The following ITGA11 variants were observed in gnomAD, a reference collection of about 807,000 sequenced individuals.
ITGA11 encodes integrin alpha-11.
A neutral mutation model predicts 141.9 loss-of-function variants in ITGA11; 97 were observed. The observed-to-expected ratio is 0.68, with a 90% CI of 0.58 to 0.81. The LOEUF (loss-of-function observed/expected upper bound fraction) is 0.81, where lower values mean the gene tolerates loss of function less well. Ranked by LOEUF, ITGA11 falls within the 30% of genes least tolerant of loss-of-function variation. ITGA11 has a pLI of 0.00. For synonymous variants in ITGA11, 658 were observed against 624.6 expected (o/e 1.05, Z -0.80); for missense variants, 1,387 against 1,559.2 (o/e 0.89, Z 1.86).
At chr15:68,317,583 C>T (rs892074475) in intron 20 of ITGA11, among the ~76,000 whole-genome samples, 1 of 152,010 alleles carries the variant, frequency 6.6e-6, no homozygotes, top group Non-Finnish European at 1.5e-5. Flanking sequence ...TGACACGGGG[C>T]GGGACACACT....
rs776616740 is a variant in ITGA11, at chr15:68,322,506, G to C, written c.2323-1003C>G. On this transcript the variant is annotated intron_variant, in intron 18 of 29. Coordinates refer to ENST00000315757, the MANE Select transcript of ITGA11 (RefSeq NM_001004439.2). This position sits in a 1 kb window ranked among gnomAD's most constrained non-coding sequence, Gnocchi z 5.6. ...AGGTTGTCGGGGCTGAGGGAGAAAGGGGTCCAGGGTGTCAGCTGAGTTTCT... is the reference window on the plus strand; with the variant it reads ...AGGTTGTCGGGGCTGAGGGAGAAAGCGGTCCAGGGTGTCAGCTGAGTTTCT... 1.2e-4 allele frequency among the ~76,000 whole-genome samples: 18 copies of C among 152,108 alleles called. No homozygotes were observed. Among genetic ancestry groups the C allele is most frequent in the Non-Finnish European group, 2.4e-4 (16 of 68,022 alleles).
At position 68,432,042 on chromosome 15, in the gene ITGA11, C is replaced by A; in HGVS notation, c.25G>T (p.Val9Leu). MDLPRGLV[V>L]AWALSLWPGF... ...GGCCACAGGCTGAGCGCCCAGGCCACCACCAGGCCCCTGGGCAGGTCCATG... is the reference window on the plus strand; with the variant it reads ...GGCCACAGGCTGAGCGCCCAGGCCAACACCAGGCCCCTGGGCAGGTCCATG... The change falls in exon 1 of 30, where the codon GTG becomes TTG. Residue 9 changes from valine (V) to leucine (L), a missense_variant. By Grantham distance (32) the Val-to-Leu change is conservative. Coordinates refer to ENST00000315757, the MANE Select transcript of ITGA11 (RefSeq NM_001004439.2). The A allele has an allele frequency of 7.4e-7, 1 of 1,347,440 alleles. No individual in the cohort carries two copies. Among genetic ancestry groups the A allele is most frequent in the Non-Finnish European group, 9.5e-7 (1 of 1,048,206 alleles). The allele number at this position is 1,347,440 out of a possible 1,614,324, so 83.5% of individuals were successfully genotyped here. A position where few individuals can be genotyped will look rare whatever the true frequency, so the allele number is the denominator to read the frequency against.
intron 2 of ITGA11, 142 bp downstream of exon 2, chr15:68,402,776 C>A (rs1896540749): frequency 3.3e-6 from 2 of 607,848 alleles, no homozygotes; most frequent in Admixed American, 5.4e-5. Context: ...CAGTCTCTGA[C>A]CTGCTGGGAC....
chr15:68,416,129 C>T (rs996963136), intron 1 of ITGA11, among the ~76,000 whole-genome samples: 1 of 152,196 alleles, frequency 6.6e-6, no homozygotes, highest in Non-Finnish European at 1.5e-5. Flanking sequence ...CTGTCCCATC[C>T]CCTCAATGTC....
chr15:68,431,082 G>A lies in ITGA11; in HGVS notation c.52+933C>T, dbSNP rs573849711. Reference sequence around the variant, plus strand: ...CTGGCCCTTGCCGGAGCACTTGGCCGTCTTCCGCAGAACAGCATCACTGGC... The same window carrying A: ...CTGGCCCTTGCCGGAGCACTTGGCCATCTTCCGCAGAACAGCATCACTGGC... On this transcript the variant is annotated intron_variant, in intron 1 of 29. Coordinates refer to ENST00000315757, the MANE Select transcript of ITGA11 (RefSeq NM_001004439.2). Among the ~76,000 whole-genome samples, 56 of 152,360 alleles carry A rather than the reference G, an allele frequency of 3.7e-4. 1 individual carries two copies. The South Asian group carries it at 0.011, about 30-fold the overall frequency.
At chr15:68,411,950 C>T (rs1273282804) in intron 1 of ITGA11, among the ~76,000 whole-genome samples, 1 of 152,022 alleles carries the variant, frequency 6.6e-6, no homozygotes, top group Non-Finnish European at 1.5e-5. Flanking sequence ...CCCAGCCCAA[C>T]CTAGCTGAGG....
In ITGA11 at chr15:68,328,368, ACTGGAGGGGGTGAGGTGGAGG is replaced by A; in HGVS notation, c.1902-127_1902-107del. The A allele has an allele frequency of 1.4e-6, 1 of 699,468 alleles. No homozygotes were observed. The highest frequency in any genetic ancestry group is 1.9e-5 in the South Asian group (1 of 51,734). The allele number at this position is 699,468 out of a possible 1,614,324, so 43.3% of individuals were successfully genotyped here. A position where few individuals can be genotyped will look rare whatever the true frequency, so the allele number is the denominator to read the frequency against. On this transcript the variant is annotated intron_variant, in intron 15 of 29. Coordinates refer to ENST00000315757, the MANE Select transcript of ITGA11 (RefSeq NM_001004439.2). This position sits in a 1 kb window ranked among gnomAD's most constrained non-coding sequence, Gnocchi z 4.8. ...AGATGCGAGTGGGATCTGCAAAGCC[ACTGGAGGGGGTGAGGTGGAGG>A]ATGGAGGGGGCGAGGTGGAGGATGG...
At chr15:68,391,731 T>A (rs1406174835) in intron 2 of ITGA11, among the ~76,000 whole-genome samples, 1 of 152,256 alleles carries the variant, frequency 6.6e-6, no homozygotes, top group African/African-American at 2.4e-5. Flanking sequence ...CCAGGTCATA[T>A]TTGACTTGCA....
chr15:68,410,155 G>A (rs1045165814), intron 1 of ITGA11, among the ~76,000 whole-genome samples: 5 of 152,214 alleles, frequency 3.3e-5, no homozygotes, highest in African/African-American at 7.2e-5. Flanking sequence ...TGAAAGTCTG[G>A]ATGAAGCACC....
At chr15:68,401,554 C>T (rs1896511213) in intron 2 of ITGA11, among the ~76,000 whole-genome samples, 1 of 152,188 alleles carries the variant, frequency 6.6e-6, no homozygotes, top group African/African-American at 2.4e-5. Flanking sequence ...GTTCACTTAA[C>T]AACAGGTTAA....
chr15:68,395,381 G>A (rs1376471446), intron 2 of ITGA11, among the ~76,000 whole-genome samples: 5 of 151,928 alleles, frequency 3.3e-5, no homozygotes, highest in South Asian at 2.1e-4. Context: ...AAACTTCTCC[G>A]AGCTAAAGGA....
Position 68,335,897 on chromosome 15 carries a change from T to C in ITGA11, c.1277-52A>G. The C allele has an allele frequency of 6.3e-7, 1 of 1,580,500 alleles. No homozygotes were observed. The highest frequency in any genetic ancestry group is 8.6e-7 in the Non-Finnish European group (1 of 1,162,382). On this transcript the variant is annotated intron_variant, in intron 11 of 29. Transcript: ENST00000315757. The surrounding 1 kb of genome is among the most constrained non-coding windows in gnomAD (Gnocchi z 4.9). ...TTTGGCACCGTGTCCTCAGCAGGCG[T>C]TGCTTGGCCCGGTGCATGGCTTGGC...
At chr15:68,310,884 A>T in intron 26 of ITGA11, 110 bp downstream of exon 26, 5 of 782,870 alleles carry the variant, frequency 6.4e-6, no homozygotes, top group Non-Finnish European at 1.1e-5. Flanking sequence ...ACAGGTGCTC[A>T]GTAAGCTCTT....
rs1362558084 is a variant in ITGA11, at chr15:68,321,316, G to A, written c.2408+102C>T. 3 of 653,368 alleles carry A rather than the reference G, an allele frequency of 4.6e-6. No individual in the cohort carries two copies. The highest frequency in any genetic ancestry group is 3.9e-5 in the African/African-American group (2 of 51,664). 40.5% of individuals were successfully genotyped at this position (653,368 alleles called of 1,614,324 possible). A position where few individuals can be genotyped will look rare whatever the true frequency, so the allele number is the denominator to read the frequency against. On this transcript the variant is annotated intron_variant, in intron 19 of 29. Coordinates refer to ENST00000315757, the MANE Select transcript of ITGA11 (RefSeq NM_001004439.2). The surrounding 1 kb of genome is among the most constrained non-coding windows in gnomAD (Gnocchi z 4.9). ...GTGCAATGTTTGATCCATGCTGCCT[G>A]TGAGGAGGATGTCCAGGAAATAATC...
rs1893254148 is a variant in ITGA11, at chr15:68,307,862, T to C, written c.3175-166A>G. Among the ~76,000 whole-genome samples, 1 of 152,106 alleles carries C rather than the reference T, an allele frequency of 6.6e-6. No homozygotes were observed. Among genetic ancestry groups the C allele is most frequent in the Non-Finnish European group, 1.5e-5 (1 of 68,014 alleles). On this transcript the variant is annotated intron_variant, in intron 26 of 29. Transcript: ENST00000315757. This position sits in a 1 kb window ranked among gnomAD's most constrained non-coding sequence, Gnocchi z 6.1. ...CATGTGCATTGCGTCTGCCAGGGGA[T>C]GACTGAAGGACAAATGAAGGATGGT... is the stretch of plus-strand genomic sequence containing the variant.
intron 10 of ITGA11, chr15:68,340,970 A>C (rs1894548601): frequency 6.6e-6 from 1 of 152,216 alleles, no homozygotes; most frequent in Non-Finnish European, 1.5e-5. Flanking sequence ...TTCAAAACAC[A>C]GGCTGGTAAA....
intron 2 of ITGA11, among the ~76,000 whole-genome samples, chr15:68,401,963 A>G (rs1305079275): frequency 1.3e-5 from 2 of 150,260 alleles, no homozygotes; most frequent in African/African-American, 4.9e-5. Flanking sequence ...AGAAGGGAAG[A>G]GCATGTTTGA....
chr15:68,334,285 A>G (rs1477105697), intron 12 of ITGA11, among the ~76,000 whole-genome samples: 1 of 152,258 alleles, frequency 6.6e-6, no homozygotes, highest in Non-Finnish European at 1.5e-5. Context: ...GATGGTTTAT[A>G]GCCTTGGGTT....
intron 1 of ITGA11, 58 bp from the exon 2 acceptor site, chr15:68,403,087 C>A: frequency 8.4e-7 from 1 of 1,184,988 alleles, no homozygotes; most frequent in South Asian, 1.3e-5. Flanking sequence ...GAGGTGTAGG[C>A]CCTGGGCTGT....
Sources: allele counts gnomAD v4.1 joint callset (sites outside exome capture counted in the v4.1 genomes callset), GRCh38; gene constraint gnomAD v4.1.1; non-coding constraint Gnocchi (gnomAD v3.1); transcripts MANE v1.5; gene names NCBI Gene and HGNC (gene_info 2026-07-23, HGNC 2026-07-21).